Variants in COMMD1 observed in about 807,000 individuals in gnomAD.
COMMD1 encodes the protein copper metabolism domain containing 1.
Under a neutral mutation model 17.2 loss-of-function variants are expected in COMMD1, and 10 were observed. That is an observed-to-expected ratio of 0.58 (90% CI 0.36 to 0.99). The LOEUF is 0.99. Ranked by LOEUF, COMMD1 falls within the 50% of genes least tolerant of loss-of-function variation. The pLI is 0.01. For missense variants in COMMD1, 270 were observed against 231.8 expected, an observed-to-expected ratio of 1.17 and a Z score of -1.07; for synonymous variants, 97 against 91.6, an observed-to-expected ratio of 1.06 and a Z score of -0.34.
At chr2:61,931,730 C>T (rs565325872) in intron 1 of COMMD1, among the ~76,000 whole-genome samples, 1 of 152,304 alleles carries the variant, frequency 6.6e-6, no homozygotes, top group East Asian at 1.9e-4. Context: ...TGTGGGCTCA[C>T]TGCTACTTGA....
intron 2 of COMMD1, among the ~76,000 whole-genome samples, chr2:62,038,798 C>T (rs1670108694): frequency 6.6e-6 from 1 of 152,106 alleles, no homozygotes; most frequent in Non-Finnish European, 1.5e-5. Context: ...ATTTGCCTGC[C>T]TTGGCTTCCC....
chr2:61,901,243 G>A (rs916104900), upstream of COMMD1, among the ~76,000 whole-genome samples: 2 of 151,570 alleles, frequency 1.3e-5, no homozygotes, highest in African/African-American at 4.8e-5. Flanking sequence ...CACTGCGCAC[G>A]ACCAAAACAC....
At chr2:62,110,948 A>T (rs762177523) in intron 2 of COMMD1, among the ~76,000 whole-genome samples, 7 of 152,150 alleles carry the variant, frequency 4.6e-5, no homozygotes, top group Non-Finnish European at 8.8e-5. Context: ...GAAACAAAAA[A>T]AGAGTGGGGA....
chr2:61,933,772 C>CTTTTT lies in COMMD1; in HGVS notation c.180+27918_180+27922dup, dbSNP rs61702772. Among the ~76,000 whole-genome samples the CTTTTT allele has an allele frequency of 3.4e-5, 5 of 148,580 alleles. 1 individual carries two copies. The highest frequency in any genetic ancestry group is 3.0e-5 in the Non-Finnish European group (2 of 67,360). On this transcript the variant is annotated intron_variant, in intron 1 of 2. Transcript: ENST00000311832. ...AAGCAACTTTTGTTTTTCTTTTTTT[C>CTTTTT]TTTTTTTTGAGATGGAGTTTCGCTC...
chr2:61,998,313 G>A (rs1280599464), intron 1 of COMMD1, among the ~76,000 whole-genome samples: 1 of 149,318 alleles, frequency 6.7e-6, no homozygotes, highest in Non-Finnish European at 1.5e-5. Flanking sequence ...GGCTGGAAGT[G>A]CAGTCGTACT....
At chr2:62,134,666 T>C (rs1673138675) in intron 2 of COMMD1, among the ~76,000 whole-genome samples, 1 of 151,976 alleles carries the variant, frequency 6.6e-6, no homozygotes, top group Non-Finnish European at 1.5e-5. Flanking sequence ...TAGTCCTAGC[T>C]ACTCAGGAGG....
chr2:62,058,792 T>C (rs1375735602), intron 2 of COMMD1, among the ~76,000 whole-genome samples: 2 of 152,186 alleles, frequency 1.3e-5, no homozygotes, highest in East Asian at 3.9e-4. Flanking sequence ...CTTTCTGTTT[T>C]TTTTTGAGAT....
upstream of COMMD1, chr2:61,888,589 G>C (rs1014422955): frequency 1.4e-6 from 2 of 1,473,550 alleles, no homozygotes; most frequent in Non-Finnish European, 1.8e-6. Flanking sequence ...ATAACGGTAA[G>C]CCCTCACTGC....
intron 1 of COMMD1, among the ~76,000 whole-genome samples, chr2:61,997,032 A>G (rs952029887): frequency 6.6e-6 from 1 of 151,502 alleles, no homozygotes; most frequent in East Asian, 1.9e-4. Context: ...TATGGCAGCT[A>G]TAGCCTTACA....
intron 1 of COMMD1, among the ~76,000 whole-genome samples, chr2:61,961,091 C>A (rs1189225130): frequency 6.6e-6 from 1 of 152,158 alleles, no homozygotes; most frequent in African/African-American, 2.4e-5. Flanking sequence ...CGTTGGAGCA[C>A]CAAATTGTTG....
chr2:62,096,191 C>T (rs895147795), intron 2 of COMMD1, among the ~76,000 whole-genome samples: 13 of 152,118 alleles, frequency 8.5e-5, no homozygotes, highest in African/African-American at 3.1e-4. Context: ...GAATGCTGCA[C>T]CGCTGCCTAG....
intron 1 of COMMD1, among the ~76,000 whole-genome samples, chr2:61,924,178 A>G (rs1250392765): frequency 6.6e-6 from 1 of 152,180 alleles, no homozygotes; most frequent in Non-Finnish European, 1.5e-5. Context: ...CTTACAGGTG[A>G]GGAGACCATA....
rs566125839 is a variant in COMMD1 at position 62,014,438 on chromosome 2, A to G, written c.462+13456A>G. On this transcript the variant is annotated intron_variant, in intron 2 of 2. Coordinates refer to ENST00000311832, the MANE Select transcript of COMMD1 (RefSeq NM_152516.4). ...TTCATTCCATGTATGCCACTGCTCTATTGCCAAGATAAATGTAGAAGGCCT... is the reference window on the plus strand; with the variant it reads ...TTCATTCCATGTATGCCACTGCTCTGTTGCCAAGATAAATGTAGAAGGCCT... Among the ~76,000 whole-genome samples the G allele has an allele frequency of 4.2e-4, 62 of 148,158 alleles. 4 individuals carry two copies. In the South Asian group the frequency reaches 0.011, roughly 25 times the overall value.
At chr2:62,042,471 C>T (rs1031041028) in intron 2 of COMMD1, among the ~76,000 whole-genome samples, 8 of 152,198 alleles carry the variant, frequency 5.3e-5, no homozygotes, top group African/African-American at 1.4e-4. Context: ...ACTCCGGCAA[C>T]CCAGAAGGAG....
intron 2 of COMMD1, among the ~76,000 whole-genome samples, chr2:62,067,605 A>AT (rs1671089755): frequency 6.6e-6 from 1 of 152,220 alleles, no homozygotes; most frequent in African/African-American, 2.4e-5. Context: ...AGGGAAAACT[A>AT]TTTTTTATGC....
intron 2 of COMMD1, among the ~76,000 whole-genome samples, chr2:62,064,440 C>T (rs576227317): frequency 1.3e-5 from 2 of 152,202 alleles, no homozygotes; most frequent in Admixed American, 6.5e-5. Context: ...TCCCAAAGTG[C>T]TGGGATTATA....
chr2:61,906,900 C>A (rs1669787369), intron 1 of COMMD1, among the ~76,000 whole-genome samples: 1 of 152,076 alleles, frequency 6.6e-6, no homozygotes, highest in Non-Finnish European at 1.5e-5. Flanking sequence ...GCTGTTTATT[C>A]TTTAAAAGGC....
chr2:61,924,810 G>A (rs1017591437), intron 1 of COMMD1, among the ~76,000 whole-genome samples: 5 of 152,184 alleles, frequency 3.3e-5, no homozygotes, highest in South Asian at 4.1e-4. Flanking sequence ...TTGAGATCAC[G>A]GAATGGAGGA....
rs572272586 is a variant in COMMD1 at position 61,974,572 on chromosome 2, C to T, written c.181-26129C>T. 1.5e-4 allele frequency among the ~76,000 whole-genome samples: 22 copies of T among 149,716 alleles called. 1 individual carries two copies. In the South Asian group the frequency reaches 4.6e-3, roughly 32 times the overall value. On this transcript the variant is annotated intron_variant, in intron 1 of 2. Coordinates refer to ENST00000311832, the MANE Select transcript of COMMD1 (RefSeq NM_152516.4). ...CCTGTAATCCCAGCTACTCAGGAGG[C>T]TGAGGCAGAGAATTGCTTGAACCTG...
Sources: allele counts gnomAD v4.1 joint callset (sites outside exome capture counted in the v4.1 genomes callset), GRCh38; gene constraint gnomAD v4.1.1; transcripts MANE v1.5; gene names NCBI Gene and HGNC (gene_info 2026-07-23, HGNC 2026-07-21).